Variants in STPG2 observed in about 807,000 individuals in gnomAD.
The protein encoded by STPG2 is sperm-tail PG-rich repeat-containing protein 2.
STPG2 carries 56 observed loss-of-function variants against 54.2 expected under a neutral mutation model. The ratio of observed to expected loss-of-function variants is 1.03; its 90% confidence interval spans 0.83 to 1.29. The LOEUF is 1.29. Ranked by LOEUF, STPG2 falls within the 50% of genes most tolerant of loss-of-function variation. The pLI is 0.00. For synonymous variants in STPG2, 200 were observed against 181.8 expected (o/e 1.10, Z -0.81); for missense variants, 596 against 544.9 (o/e 1.09, Z -0.93).
intron 9 of STPG2, among the ~76,000 whole-genome samples, chr4:97,759,606 G>A (rs1263671500): frequency 6.6e-6 from 1 of 152,134 alleles, no homozygotes; most frequent in African/African-American, 2.4e-5. Context: ...AATGTATGTA[G>A]AAAAGAAGGT....
intron 9 of STPG2, among the ~76,000 whole-genome samples, chr4:97,729,063 T>TTCTCTCTCTCTCTCGCTC (rs1724712005): frequency 8.0e-6 from 1 of 124,844 alleles, no homozygotes; most frequent in South Asian, 2.8e-4. Flanking sequence ...CCCCAAGAAT[T>TTCTCTCTCTCTCTCGCTC]TCTCTCTCTC....
rs112722835 is a variant in STPG2, at chr4:97,706,418, C to T, written c.1320+6281G>A. ...GGAATTAGGCCCTTATAAAAGAGAGCTCCTTTGCCCTTCTGCCATGTGAGG... is the reference window on the plus strand; with the variant it reads ...GGAATTAGGCCCTTATAAAAGAGAGTTCCTTTGCCCTTCTGCCATGTGAGG... On this transcript the variant is annotated intron_variant, in intron 10 of 10. Coordinates refer to ENST00000295268, the MANE Select transcript of STPG2 (RefSeq NM_174952.3). Among the ~76,000 whole-genome samples, 758 of 152,278 alleles carry T rather than the reference C, an allele frequency of 5.0e-3. 3 individuals carry two copies. The highest frequency in any genetic ancestry group is 0.02 in the Middle Eastern group (6 of 294).
At position 97,464,571 on chromosome 4, in the gene STPG2, C is replaced by A. The variant is rs191421275; in HGVS notation, c.462+248128G>T. Among the ~76,000 whole-genome samples, 703 of 152,204 alleles carry A rather than the reference C, an allele frequency of 4.6e-3. 2 individuals carry two copies. Among genetic ancestry groups the A allele is most frequent in the Non-Finnish European group, 8.1e-3 (551 of 68,006 alleles). ...AGCTGGAATTACAGGTGCACACCAC[C>A]ATGCCCAGCTAATTTTTGTATTTTT... On this transcript the variant is annotated intron_variant, in intron 4 of 4. Transcript: ENST00000522676.
At chr4:97,641,376 T>C (rs1721758990) in intron 10 of STPG2, among the ~76,000 whole-genome samples, 1 of 151,548 alleles carries the variant, frequency 6.6e-6, no homozygotes, top group African/African-American at 2.4e-5. Context: ...ATTAATCATA[T>C]GAATCAATCC....
At chr4:97,569,721 T>C (rs1732550982) in intron 10 of STPG2, among the ~76,000 whole-genome samples, 1 of 152,068 alleles carries the variant, frequency 6.6e-6, no homozygotes, top group Admixed American at 6.6e-5. Flanking sequence ...AACCATTATA[T>C]TAAGGATTGG....
intron 10 of STPG2, among the ~76,000 whole-genome samples, chr4:97,694,645 A>T (rs1421057564): frequency 4.1e-5 from 6 of 146,266 alleles, no homozygotes; most frequent in African/African-American, 1.0e-4. Context: ...CGTCTCTATT[A>T]AAAAAAAAAT....
chr4:97,893,683 G>T (rs185059665), intron 8 of STPG2, among the ~76,000 whole-genome samples: 1 of 152,052 alleles, frequency 6.6e-6, no homozygotes, highest in Non-Finnish European at 1.5e-5. Flanking sequence ...GAGAAAATCA[G>T]ATTCAGAGTT....
At chr4:98,018,898 A>T (rs1287342883) in intron 5 of STPG2, among the ~76,000 whole-genome samples, 7 of 151,028 alleles carry the variant, frequency 4.6e-5, no homozygotes, top group Admixed American at 2.0e-4. Flanking sequence ...GTTTGAGTTC[A>T]TTGTAGATTC....
intron 8 of STPG2, among the ~76,000 whole-genome samples, chr4:97,873,514 T>C (rs1730063665): frequency 6.6e-6 from 1 of 151,570 alleles, no homozygotes. Context: ...AAAAGCACTA[T>C]TGAACATGAA....
chr4:97,473,758 C>T (rs1009540845), intron 4 of STPG2, among the ~76,000 whole-genome samples: 2 of 152,138 alleles, frequency 1.3e-5, no homozygotes, highest in Non-Finnish European at 2.9e-5. Context: ...ACGGAACCTA[C>T]TGACAAGTGA....
At chr4:97,883,965 G>A (rs1171050989) in intron 8 of STPG2, among the ~76,000 whole-genome samples, 1 of 152,144 alleles carries the variant, frequency 6.6e-6, no homozygotes, top group African/African-American at 2.4e-5. Context: ...AACAGAGGAT[G>A]TGGTGGCTGA....
At chr4:97,674,468 G>T (rs1019954263) in intron 10 of STPG2, among the ~76,000 whole-genome samples, 2 of 152,144 alleles carry the variant, frequency 1.3e-5, no homozygotes, top group Admixed American at 6.5e-5. Context: ...TAAAGCAATG[G>T]TCATGTGGGT....
intron 10 of STPG2, among the ~76,000 whole-genome samples, chr4:97,634,531 C>G (rs915365013): frequency 1.3e-5 from 2 of 151,940 alleles, no homozygotes; most frequent in Non-Finnish European, 2.9e-5. Flanking sequence ...TTCAGACGAT[C>G]AAATTACTCT....
At chr4:97,782,280 C>T (rs1017928589) in intron 9 of STPG2, among the ~76,000 whole-genome samples, 1 of 152,130 alleles carries the variant, frequency 6.6e-6, no homozygotes, top group Non-Finnish European at 1.5e-5. Flanking sequence ...CATTCTTATA[C>T]ACCAATAACA....
chr4:97,991,766 T>TAATTTTTTTA (rs1735025865), intron 5 of STPG2, among the ~76,000 whole-genome samples: 2 of 152,120 alleles, frequency 1.3e-5, no homozygotes, highest in South Asian at 4.1e-4. Flanking sequence ...TGCCAACATC[T>TAATTTTTTTA]AATTTTTTTA....
intron 1 of STPG2, among the ~76,000 whole-genome samples, chr4:98,137,483 A>C (rs1740166205): frequency 6.6e-6 from 1 of 151,724 alleles, no homozygotes; most frequent in Admixed American, 6.6e-5. Context: ...TTTTTAACTG[A>C]ATATCTTCTT....
intron 8 of STPG2, among the ~76,000 whole-genome samples, chr4:97,917,854 T>C (rs1359275839): frequency 1.3e-5 from 2 of 152,106 alleles, no homozygotes; most frequent in Admixed American, 6.6e-5. Flanking sequence ...TTAGGCTTAT[T>C]AAATATTTCA....
At chr4:97,592,210 A>G (rs765805721) in intron 10 of STPG2, among the ~76,000 whole-genome samples, 4 of 152,096 alleles carry the variant, frequency 2.6e-5, no homozygotes, top group Non-Finnish European at 4.4e-5. Flanking sequence ...AACCCAAACT[A>G]ATACTCATTT....
At chr4:97,470,384 G>T (rs1482580271) in intron 4 of STPG2, among the ~76,000 whole-genome samples, 1 of 152,010 alleles carries the variant, frequency 6.6e-6, no homozygotes, top group Non-Finnish European at 1.5e-5. Flanking sequence ...TATTTTGCAA[G>T]GAAGAATTTG....
Sources: gnomAD v4.1 joint callset for allele counts (sites outside exome capture counted in the v4.1 genomes callset) on GRCh38, gnomAD v4.1.1 for gene constraint, MANE v1.5 for transcripts, NCBI Gene and HGNC (gene_info 2026-07-23, HGNC 2026-07-21) for gene names.